Variants in PPARGC1B observed in about 807,000 individuals in gnomAD.
PPARGC1B encodes the protein PPARG coactivator 1 beta.
Under a neutral mutation model 101.6 loss-of-function variants are expected in PPARGC1B, and 34 were observed. The ratio of observed to expected loss-of-function variants is 0.33; its 90% CI spans 0.25 to 0.45. The LOEUF is 0.45. Ranked by LOEUF, PPARGC1B falls within the 20% of genes least tolerant of loss-of-function variation. The probability of loss-of-function intolerance (pLI) is 1.00; values close to 1 mark genes in which losing one functional copy is unlikely to be tolerated. For missense variants in PPARGC1B, 1,234 were observed against 1,317.6 expected (o/e 0.94, Z 0.98); for synonymous variants, 548 against 539.3 (o/e 1.02, Z -0.22).
Position 149,826,882 on chromosome 5 carries a change from A to G in PPARGC1B, c.462A>G (p.Ser154=). 1.2e-6 allele frequency: 2 copies of G among 1,606,516 alleles called. No homozygotes were observed. Among genetic ancestry groups the G allele is most frequent in the Non-Finnish European group, 1.7e-6 (2 of 1,175,060 alleles). The change falls in exon 3 of 12, where the codon TCA becomes TCG. Residue 154 remains serine, a synonymous_variant. Transcript: ENST00000309241. ...CAGCCCCTGAGGTGGACGAGCTCTC[A>G]CTGGTAAGAACCTACTTACAGCAGA... ...SAPAPEVDEL[S]LLQKLLLATS...
intron 1 of PPARGC1B, among the ~76,000 whole-genome samples, chr5:149,776,969 C>T (rs1385146623): frequency 6.6e-6 from 1 of 152,208 alleles, no homozygotes; most frequent in Admixed American, 6.5e-5. Context: ...ACCCTCAGCC[C>T]AGCTCTTCCA....
At chr5:149,742,533 G>A (rs1754948389) in intron 1 of PPARGC1B, among the ~76,000 whole-genome samples, 1 of 152,196 alleles carries the variant, frequency 6.6e-6, no homozygotes, top group Non-Finnish European at 1.5e-5. Flanking sequence ...GAGGAGTTTG[G>A]ACTTGGCAGG....
intron 1 of PPARGC1B, among the ~76,000 whole-genome samples, chr5:149,799,100 A>C (rs1190527600): frequency 6.6e-6 from 1 of 151,586 alleles, no homozygotes; most frequent in African/African-American, 2.4e-5. Flanking sequence ...TGAAGGGTGG[A>C]GAATGGGGGA....
At chr5:149,800,163 CCTT>C (rs1757384482) in intron 1 of PPARGC1B, among the ~76,000 whole-genome samples, 1 of 152,166 alleles carries the variant, frequency 6.6e-6, no homozygotes, top group Non-Finnish European at 1.5e-5. Context: ...TCTTGTGTGT[CCTT>C]CTTGCAATAA....
chr5:149,737,186 T>A lies in PPARGC1B; in HGVS notation c.78+6766T>A, dbSNP rs1469156624. ...TATGTAGTGTTTTCAGATTGGCTTTTTTTTCACTTGCTGATAGGAATTTAA... is the reference window on the plus strand; with the variant it reads ...TATGTAGTGTTTTCAGATTGGCTTTATTTTCACTTGCTGATAGGAATTTAA... On this transcript the variant is annotated intron_variant, in intron 1 of 11. Coordinates refer to ENST00000309241, the MANE Select transcript of PPARGC1B (RefSeq NM_133263.4). Among the ~76,000 whole-genome samples the A allele has an allele frequency of 3.3e-5, 5 of 152,250 alleles. 1 individual carries two copies. The highest frequency in any genetic ancestry group is 3.3e-4 in the Admixed American group (5 of 15,284).
At chr5:149,735,074 G>A (rs1252067377) in intron 1 of PPARGC1B, among the ~76,000 whole-genome samples, 2 of 152,226 alleles carry the variant, frequency 1.3e-5, no homozygotes, top group African/African-American at 4.8e-5. Flanking sequence ...AATGTATAGT[G>A]TGTGGGAGAA....
rs1561612118 is a variant in PPARGC1B at position 149,833,375 on chromosome 5, G to GGAAGAAGAGGAGGAGGAAGAGGAAGAA, written c.1306_1332dup (p.Glu436_Glu444dup). On this transcript the variant is annotated inframe_insertion, in exon 5 of 12. Coordinates refer to ENST00000309241, the MANE Select transcript of PPARGC1B (RefSeq NM_133263.4). This position sits in a 1 kb window ranked among gnomAD's most constrained non-coding sequence, Gnocchi z 4.1. Reference sequence around the variant, plus strand: ...TGCAGCAGCAGGAGGAGGAAGACGAGGAAGAAGAGGAGGAGGAAGAGGAAG... The same window carrying GGAAGAAGAGGAGGAGGAAGAGGAAGAA: ...TGCAGCAGCAGGAGGAGGAAGACGAGGAAGAAGAGGAGGAGGAAGAGGAAGAAGAAGAAGAGGAGGAGGAAGAGGAAG... The GGAAGAAGAGGAGGAGGAAGAGGAAGAA allele has an allele frequency of 6.2e-7, 1 of 1,613,412 alleles. No homozygotes were observed. Among genetic ancestry groups the GGAAGAAGAGGAGGAGGAAGAGGAAGAA allele is most frequent in the Non-Finnish European group, 8.5e-7 (1 of 1,179,910 alleles).
In PPARGC1B at chr5:149,847,622, G is replaced by A. The variant is rs1399593771; in HGVS notation, c.*64G>A. 9.3e-6 allele frequency: 12 copies of A among 1,285,874 alleles called. No individual in the cohort carries two copies. The highest frequency in any genetic ancestry group is 6.2e-5 in the South Asian group (5 of 80,520). The allele number at this position is 1,285,874 out of a possible 1,614,324, so 79.7% of individuals were successfully genotyped here. On this transcript the variant is annotated 3_prime_UTR_variant, in exon 12 of 12. Transcript: ENST00000309241. ...GACAAGGCCCTTCCAATATGTTTAC[G>A]TTTTCAAAGAAATCAAGTATATGAG...
chr5:149,763,065 A>G (rs1269937610), intron 1 of PPARGC1B, among the ~76,000 whole-genome samples: 2 of 152,174 alleles, frequency 1.3e-5, no homozygotes, highest in Admixed American at 6.5e-5. Context: ...CATTACGGGC[A>G]TGAGCCACTG....
intron 3 of PPARGC1B, among the ~76,000 whole-genome samples, chr5:149,830,477 T>C (rs1263422768): frequency 6.6e-6 from 1 of 152,042 alleles, no homozygotes; most frequent in African/African-American, 2.4e-5. Context: ...TAGACAGACG[T>C]TACCCAAGAC....
intron 1 of PPARGC1B, among the ~76,000 whole-genome samples, chr5:149,748,580 C>T (rs556833885): frequency 2.0e-5 from 3 of 152,080 alleles, no homozygotes; most frequent in Non-Finnish European, 2.9e-5. Context: ...TGGAAGGTGC[C>T]CAGGGCAGAG....
chr5:149,764,564 A>G (rs1006790150), intron 1 of PPARGC1B, among the ~76,000 whole-genome samples: 2 of 152,228 alleles, frequency 1.3e-5, no homozygotes, highest in Non-Finnish European at 2.9e-5. Flanking sequence ...AATTTTACAG[A>G]GGAGGAAACT....
At position 149,833,301 on chromosome 5, in the gene PPARGC1B, C is replaced by T. The variant is rs368679187; in HGVS notation, c.1228C>T (p.Arg410Cys). 226 of 1,613,320 alleles carry T rather than the reference C, an allele frequency of 1.4e-4. No homozygotes were observed. Among genetic ancestry groups the T allele is most frequent in the Non-Finnish European group, 1.8e-4 (217 of 1,180,034 alleles). Reference sequence around the variant, plus strand: ...GAGCACCGGGCCCAGACCAAGCCTGCGCCCACTGCGGCTGGAGGTGAAAAG... The same window carrying T: ...GAGCACCGGGCCCAGACCAAGCCTGTGCCCACTGCGGCTGGAGGTGAAAAG... ...PKSTGPRPSL[R>C]PLRLEVKREV... is the part of the protein sequence containing the mutation. The change falls in exon 5 of 12, where the codon CGC becomes TGC. Residue 410 changes from arginine to cysteine, a missense_variant. This residue lies in a region of PPARGC1B where 734 missense variants were observed against 768.4 expected (regional missense o/e 0.96). Transcript: ENST00000309241. The surrounding 1 kb of genome is among the most constrained non-coding windows in gnomAD (Gnocchi z 4.1).
intron 1 of PPARGC1B, chr5:149,772,135 C>G (rs763274348): frequency 1.9e-5 from 31 of 1,603,552 alleles, no homozygotes; most frequent in Non-Finnish European, 2.6e-5. Context: ...GCCACCAGAG[C>G]AATGGTAGGT....
At chr5:149,767,980 C>A (rs143322370) in intron 1 of PPARGC1B, among the ~76,000 whole-genome samples, 4,511 of 151,786 alleles carry the variant, frequency 0.03, 208 homozygotes, top group African/African-American at 0.098. Flanking sequence ...AGTGGGAGCC[C>A]TGAGCTTGTT....
chr5:149,799,918 C>G (rs1021848805), intron 1 of PPARGC1B, among the ~76,000 whole-genome samples: 1 of 151,832 alleles, frequency 6.6e-6, no homozygotes, highest in African/African-American at 2.4e-5. Flanking sequence ...AGGTTGGTCT[C>G]GAACTCCTGA....
At chr5:149,783,091 AAGAGAGAGAG>A (rs56799682) in intron 1 of PPARGC1B, among the ~76,000 whole-genome samples, 1 of 149,930 alleles carries the variant, frequency 6.7e-6, no homozygotes, top group African/African-American at 2.5e-5. Context: ...ATGAGAGATA[AAGAGAGAGAG>A]AGAGAGAGAT....
intron 1 of PPARGC1B, among the ~76,000 whole-genome samples, chr5:149,760,410 A>G (rs1755676522): frequency 6.6e-6 from 1 of 152,196 alleles, no homozygotes; most frequent in Non-Finnish European, 1.5e-5. Flanking sequence ...TCTGCTACTT[A>G]ACATGCTGTG....
intron 7 of PPARGC1B, 119 bp from the exon 8 acceptor site, chr5:149,836,144 C>T: frequency 2.4e-6 from 2 of 844,150 alleles, no homozygotes; most frequent in East Asian, 2.5e-5. Flanking sequence ...CCACCTCACC[C>T]TCCCAAAATG....
Sources: allele counts gnomAD v4.1 joint callset (sites outside exome capture counted in the v4.1 genomes callset), GRCh38; gene constraint gnomAD v4.1.1; regional missense constraint gnomAD v4.1.1; non-coding constraint Gnocchi (gnomAD v3.1); transcripts MANE v1.5; gene names NCBI Gene and HGNC (gene_info 2026-07-23, HGNC 2026-07-21).